NBAS: variants seen among roughly 807,000 people sequenced by gnomAD.
The protein encoded by NBAS is NAG/BC035112 fusion.
NBAS carries 219 observed loss-of-function variants against 302.5 expected under a neutral mutation model. The ratio of observed to expected loss-of-function variants is 0.72; its 90% CI spans 0.65 to 0.81. The LOEUF (loss-of-function observed/expected upper bound fraction) is 0.81, where lower values mean the gene tolerates loss of function less well. NBAS is among the 30% of genes least tolerant of loss of function. The pLI is 0.00. For missense variants in NBAS, 2,932 were observed against 2,841.6 expected (o/e 1.03, Z -0.72); for synonymous variants, 1,118 against 1,021.6 (o/e 1.09, Z -1.80).
At chr2:15,493,980 C>T (rs1319056942) in intron 11 of NBAS, among the ~76,000 whole-genome samples, 3 of 151,916 alleles carry the variant, frequency 2.0e-5, no homozygotes, top group Non-Finnish European at 4.4e-5. Context: ...CACCTGCCAC[C>T]ACGCCGGGCT....
the NBAS span, among the ~76,000 whole-genome samples, chr2:15,007,482 G>A: frequency 7.2e-5 from 11 of 152,140 alleles, no homozygotes; most frequent in African/African-American, 1.4e-4. Context: ...TGAAGGAAGC[G>A]AAGTTTTTTT....
the NBAS span, among the ~76,000 whole-genome samples, chr2:14,796,129 T>C: frequency 6.6e-6 from 1 of 152,214 alleles, no homozygotes; most frequent in Admixed American, 6.5e-5. Context: ...TGAATTGCTA[T>C]GGAAAATTTG....
chr2:15,423,059 GT>G (rs984808628), intron 23 of NBAS, among the ~76,000 whole-genome samples: 2 of 151,904 alleles, frequency 1.3e-5, no homozygotes, highest in African/African-American at 2.4e-5. Flanking sequence ...TTTTTTTACA[GT>G]TTTTTTTATA....
At chr2:15,464,065 C>G (rs1679622813) in intron 19 of NBAS, among the ~76,000 whole-genome samples, 2 of 152,094 alleles carry the variant, frequency 1.3e-5, no homozygotes, top group Non-Finnish European at 2.9e-5. Flanking sequence ...GAGCAATGGG[C>G]ACATCGGGCT....
At chr2:15,313,737 T>A (rs1432550815) in intron 38 of NBAS, among the ~76,000 whole-genome samples, 1 of 152,214 alleles carries the variant, frequency 6.6e-6, no homozygotes, top group Non-Finnish European at 1.5e-5. Flanking sequence ...CACCTGAACA[T>A]CCATGAGGTC....
At chr2:15,499,925 G>GTA (rs34025507) in intron 11 of NBAS, among the ~76,000 whole-genome samples, 11,761 of 152,194 alleles carry the variant, frequency 0.077, 586 homozygotes, top group Middle Eastern at 0.14. Context: ...ATAGCAAAGA[G>GTA]TATCACTAGT....
the NBAS span, among the ~76,000 whole-genome samples, chr2:14,924,923 A>C: frequency 6.6e-6 from 1 of 152,162 alleles, no homozygotes; most frequent in Non-Finnish European, 1.5e-5. Context: ...TTTCCACCTT[A>C]ATCTGAATTA....
At position 15,218,842 on chromosome 2, in the gene NBAS, CTCAG is replaced by C; in HGVS notation, c.6359_6362del (p.Thr2120ArgfsTer25). The stretch of plus-strand genomic sequence containing the variant: ...AGAACACGAGGAGCTTGCTGTCCTC[CTCAG>C]TCAGGTGAAATGATTGCCCCAAAAT... On this transcript the variant is annotated frameshift_variant, in exon 48 of 52. Coordinates refer to ENST00000281513, the MANE Select transcript of NBAS (RefSeq NM_015909.4). LOFTEE classifies it high-confidence loss of function. 1 of 1,614,262 alleles carries C rather than the reference CTCAG, an allele frequency of 6.2e-7. No individual in the cohort carries two copies. The highest frequency in any genetic ancestry group is 1.3e-5 in the African/African-American group (1 of 75,070).
the NBAS span, among the ~76,000 whole-genome samples, chr2:15,116,264 T>C: frequency 1.3e-5 from 2 of 152,158 alleles, no homozygotes; most frequent in South Asian, 4.1e-4. Flanking sequence ...TCGACTACCA[T>C]AAAAATACAA....
At chr2:14,891,387 T>A in the NBAS span, among the ~76,000 whole-genome samples, 1 of 152,186 alleles carries the variant, frequency 6.6e-6, no homozygotes, top group African/African-American at 2.4e-5. Flanking sequence ...AAGCGGATTT[T>A]AATTTCTAAT....
chr2:15,508,284 T>C (rs1661966724), intron 10 of NBAS, among the ~76,000 whole-genome samples: 1 of 152,144 alleles, frequency 6.6e-6, no homozygotes, highest in Non-Finnish European at 1.5e-5. Context: ...CACAAGGAGA[T>C]CAGGACCATA....
intron 9 of NBAS, among the ~76,000 whole-genome samples, chr2:15,520,204 C>T (rs1041272882): frequency 3.9e-5 from 6 of 152,054 alleles, no homozygotes; most frequent in African/African-American, 1.4e-4. Flanking sequence ...GAGTTAGAGA[C>T]CAGCTTGAGC....
chr2:15,075,303 G>C, the NBAS span, among the ~76,000 whole-genome samples: 1 of 152,100 alleles, frequency 6.6e-6, no homozygotes, highest in Non-Finnish European at 1.5e-5. Context: ...TCTCCACTCT[G>C]GTACCCTGCC....
intron 47 of NBAS, among the ~76,000 whole-genome samples, chr2:15,228,950 A>G (rs1160291073): frequency 6.6e-6 from 1 of 152,210 alleles, no homozygotes; most frequent in East Asian, 1.9e-4. Context: ...TGTATATTTC[A>G]AGATCGCTAG....
chr2:14,952,311 C>T, the NBAS span, among the ~76,000 whole-genome samples: 1 of 152,250 alleles, frequency 6.6e-6, no homozygotes, highest in Non-Finnish European at 1.5e-5. Context: ...AGGCTTCCAT[C>T]TTCCTCCTGT....
chr2:14,886,670 G>A, the NBAS span: 3 of 152,218 alleles, frequency 2.0e-5, no homozygotes, highest in African/African-American at 7.2e-5. Flanking sequence ...CCTTGAGCCA[G>A]TGTCTACATT....
At chr2:14,831,347 G>A in the NBAS span, among the ~76,000 whole-genome samples, 10 of 152,128 alleles carry the variant, frequency 6.6e-5, no homozygotes, top group South Asian at 4.2e-4. Flanking sequence ...TTACTCATTC[G>A]TGGGGATAAA....
chr2:14,898,604 GT>G, the NBAS span, among the ~76,000 whole-genome samples: 8 of 152,270 alleles, frequency 5.3e-5, no homozygotes, highest in East Asian at 5.8e-4. Context: ...CCTGGGGGTG[GT>G]TTCCCCCACA....
At chr2:15,333,224 A>G (rs1288080792) in intron 35 of NBAS, among the ~76,000 whole-genome samples, 1 of 152,236 alleles carries the variant, frequency 6.6e-6, no homozygotes, top group East Asian at 1.9e-4. Context: ...AAATGATTTC[A>G]GGAAGAAAAT....
Sources: gnomAD v4.1 joint callset for allele counts (sites outside exome capture counted in the v4.1 genomes callset) on GRCh38, gnomAD v4.1.1 for gene constraint, MANE v1.5 for transcripts, NCBI Gene and HGNC (gene_info 2026-07-23, HGNC 2026-07-21) for gene names.